The following TNR variants were observed in gnomAD, a reference collection of about 807,000 sequenced individuals.
The protein encoded by TNR is tenascin R.
A neutral mutation model predicts 150.4 loss-of-function variants in TNR; 45 were observed. That is an observed-to-expected ratio of 0.30 (90% confidence interval 0.24 to 0.38). TNR has a LOEUF of 0.38. Ranked by LOEUF, TNR falls within the 10% of genes least tolerant of loss-of-function variation. TNR has a pLI of 1.00. For synonymous variants in TNR, 687 were observed against 678.4 expected (o/e 1.01, Z -0.20); for missense variants, 1,544 against 1,759.1 (o/e 0.88, Z 2.19).
intron 3 of TNR, among the ~76,000 whole-genome samples, chr1:175,403,928 G>C (rs1004237592): frequency 2.0e-5 from 3 of 152,144 alleles, no homozygotes; most frequent in Admixed American, 2.0e-4. Flanking sequence ...ATGTAAAAGT[G>C]ATTTATTGGA....
At chr1:175,661,724 C>T (rs1236586651) in intron 1 of TNR, among the ~76,000 whole-genome samples, 1 of 152,064 alleles carries the variant, frequency 6.6e-6, no homozygotes, top group Non-Finnish European at 1.5e-5. Context: ...CTGGACATTT[C>T]TCTCCCTGAC....
At chr1:175,464,836 T>C (rs1656961514) in intron 2 of TNR, among the ~76,000 whole-genome samples, 1 of 152,148 alleles carries the variant, frequency 6.6e-6, no homozygotes, top group African/African-American at 2.4e-5. Flanking sequence ...CCTGGTCTAG[T>C]ACCCTGGAGG....
intron 2 of TNR, among the ~76,000 whole-genome samples, chr1:175,482,926 C>T (rs568139643): frequency 1.2e-4 from 19 of 152,286 alleles, no homozygotes; most frequent in East Asian, 7.7e-4. Flanking sequence ...ACCTGGTGGG[C>T]GCTCCTGGGG....
At chr1:175,420,322 A>C (rs1295586297) in intron 2 of TNR, among the ~76,000 whole-genome samples, 1 of 152,160 alleles carries the variant, frequency 6.6e-6, no homozygotes, top group Non-Finnish European at 1.5e-5. Flanking sequence ...AGTCTATTTA[A>C]AACTTACTTT....
chr1:175,619,945 G>A (rs1663914650), intron 1 of TNR, among the ~76,000 whole-genome samples: 1 of 152,234 alleles, frequency 6.6e-6, no homozygotes, highest in Non-Finnish European at 1.5e-5. Flanking sequence ...GGCCTCTTGT[G>A]TAAATCACTG....
intron 5 of TNR, among the ~76,000 whole-genome samples, chr1:175,395,081 T>G (rs1456063189): frequency 1.3e-5 from 2 of 151,912 alleles, no homozygotes; most frequent in Non-Finnish European, 2.9e-5. Context: ...AGGTCAAATA[T>G]AAACAGAGAT....
At chr1:175,480,458 A>AAAGAAAGAAAGAG (rs1557959794) in intron 2 of TNR, among the ~76,000 whole-genome samples, 22 of 143,746 alleles carry the variant, frequency 1.5e-4, no homozygotes, top group African/African-American at 5.6e-4. Context: ...AGAAAGAAAG[A>AAAGAAAGAAAGAG]AAAGAAAAAA....
At chr1:175,450,483 G>A (rs912183456) in intron 2 of TNR, among the ~76,000 whole-genome samples, 1 of 152,248 alleles carries the variant, frequency 6.6e-6, no homozygotes, top group African/African-American at 2.4e-5. Context: ...GCTGGGTTAA[G>A]TTCTCTGCTC....
At chr1:175,661,540 C>T (rs939838231) in intron 1 of TNR, among the ~76,000 whole-genome samples, 2 of 152,092 alleles carry the variant, frequency 1.3e-5, no homozygotes, top group Non-Finnish European at 2.9e-5. Flanking sequence ...TCCTGCCTCA[C>T]GTTGTACTGC....
intron 15 of TNR, 148 bp from the exon 16 acceptor site, chr1:175,356,610 C>T: frequency 1.1e-6 from 1 of 944,026 alleles, no homozygotes; most frequent in South Asian, 1.8e-5. Flanking sequence ...GTATCTTACT[C>T]TTTGCAAGGA....
In TNR at chr1:175,697,681, A is replaced by G. The variant is rs189325120; in HGVS notation, c.-165+45545T>C. 2.3e-3 allele frequency among the ~76,000 whole-genome samples: 351 copies of G among 152,282 alleles called. 1 individual carries two copies. The highest frequency in any genetic ancestry group is 3.6e-3 in the Non-Finnish European group (248 of 68,020). On this transcript the variant is annotated intron_variant, in intron 1 of 22. Coordinates refer to ENST00000367674, the MANE Select transcript of TNR (RefSeq NM_003285.3). ...TTTCCATGATCTAATTAGTTCTGCA[A>G]GGAGCAAATGGTGGCTGATATTCAG...
chr1:175,682,924 G>A (rs1389369813), intron 1 of TNR, among the ~76,000 whole-genome samples: 3 of 152,176 alleles, frequency 2.0e-5, no homozygotes, highest in Non-Finnish European at 4.4e-5. Flanking sequence ...TATTCTATGT[G>A]TAGCTAGAGC....
intron 8 of TNR, among the ~76,000 whole-genome samples, chr1:175,381,435 G>A (rs1448033821): frequency 1.3e-5 from 2 of 152,234 alleles, no homozygotes; most frequent in East Asian, 1.9e-4. Flanking sequence ...GTTGTGGTCT[G>A]TAGATTAAGG....
chr1:175,459,527 A>G lies in TNR; in HGVS notation c.-63-52750T>C, dbSNP rs138206840. Among the ~76,000 whole-genome samples the G allele has an allele frequency of 8.8e-4, 134 of 152,324 alleles. 1 individual carries two copies. The highest frequency in any genetic ancestry group is 4.8e-3 in the South Asian group (23 of 4,830). ...AACCTATTGAGAACACCTTCCCCAA[A>G]TTGTGACAATTTGTTAAGGCCAATG... On this transcript the variant is annotated intron_variant, in intron 2 of 22. Transcript: ENST00000367674.
At chr1:175,428,343 A>G (rs1182925098) in intron 2 of TNR, among the ~76,000 whole-genome samples, 3 of 152,208 alleles carry the variant, frequency 2.0e-5, no homozygotes, top group African/African-American at 7.2e-5. Context: ...CTCATGGCGT[A>G]AATCTGGTGA....
intron 1 of TNR, among the ~76,000 whole-genome samples, chr1:175,695,982 A>ATG: frequency 7.5e-6 from 1 of 134,178 alleles, no homozygotes; most frequent in East Asian, 2.3e-4. Flanking sequence ...GGACAGATGG[A>ATG]TATATGGATG....
At chr1:175,709,727 C>G (rs113470895) in intron 1 of TNR, among the ~76,000 whole-genome samples, 94 of 152,274 alleles carry the variant, frequency 6.2e-4, no homozygotes, top group African/African-American at 2.2e-3. Context: ...CCCATGCCAA[C>G]TCCAAAGCCT....
intron 2 of TNR, among the ~76,000 whole-genome samples, chr1:175,471,873 C>T (rs1001814682): frequency 2.6e-5 from 4 of 152,188 alleles, no homozygotes; most frequent in African/African-American, 7.2e-5. Context: ...AACACAGACA[C>T]ATGATACACC....
At chr1:175,556,437 C>A (rs1169162253) in intron 1 of TNR, among the ~76,000 whole-genome samples, 3 of 152,184 alleles carry the variant, frequency 2.0e-5, no homozygotes, top group African/African-American at 7.2e-5. Context: ...CCAACTTGTA[C>A]CAAAATACAT....
Sources: gnomAD v4.1 joint callset for allele counts (sites outside exome capture counted in the v4.1 genomes callset) on GRCh38, gnomAD v4.1.1 for gene constraint, MANE v1.5 for transcripts, NCBI Gene and HGNC (gene_info 2026-07-23, HGNC 2026-07-21) for gene names.